The following IGBP1C variants were observed in gnomAD, a reference collection of about 807,000 sequenced individuals.
IGBP1C encodes the protein immunoglobulin-binding protein 1 family member C.
the IGBP1C span, among the ~76,000 whole-genome samples, chr17:58,678,165 G>A: frequency 6.6e-6 from 1 of 152,062 alleles, no homozygotes; most frequent in Non-Finnish European, 1.5e-5. Context: ...GGAAAAAAAA[G>A]GGAAGTTTTT....
the IGBP1C span, chr17:58,666,636 T>G: frequency 6.6e-6 from 1 of 152,136 alleles, no homozygotes; most frequent in African/African-American, 2.4e-5. Flanking sequence ...GTGCAACGAA[T>G]AAGCCACACA....
At chr17:58,689,090 C>T in the IGBP1C span, among the ~76,000 whole-genome samples, 6 of 151,778 alleles carry the variant, frequency 4.0e-5, no homozygotes, top group African/African-American at 1.5e-4. Context: ...GCCACCACAC[C>T]CGGCTAATTT....
the IGBP1C span, among the ~76,000 whole-genome samples, chr17:58,672,483 C>T: frequency 6.6e-6 from 1 of 152,154 alleles, no homozygotes; most frequent in African/African-American, 2.4e-5. Flanking sequence ...ACCCAGGCTG[C>T]AGTGCAGAGG....
At chr17:58,667,891 T>TAA in the IGBP1C span, among the ~76,000 whole-genome samples, 12 of 102,794 alleles carry the variant, frequency 1.2e-4, no homozygotes, top group Admixed American at 2.1e-4. Flanking sequence ...AGACTCTGGC[T>TAA]AAAAAAAAAA....
the IGBP1C span, among the ~76,000 whole-genome samples, chr17:58,687,907 A>C: frequency 6.6e-6 from 1 of 152,142 alleles, no homozygotes; most frequent in Non-Finnish European, 1.5e-5. Flanking sequence ...ATAGATTATA[A>C]GCTCCATGAG....
At chr17:58,683,761 T>C in the IGBP1C span, among the ~76,000 whole-genome samples, 1 of 104,292 alleles carries the variant, frequency 9.6e-6, no homozygotes, top group Non-Finnish European at 1.9e-5. Context: ...AGACTCCAGC[T>C]CAAAAAAAAA....
the IGBP1C span, chr17:58,677,672 A>G: frequency 6.6e-6 from 1 of 152,194 alleles, no homozygotes; most frequent in Admixed American, 6.5e-5. Flanking sequence ...ACAGAATGCA[A>G]TGAGTGAACC....
the IGBP1C span, among the ~76,000 whole-genome samples, chr17:58,688,377 C>A: frequency 1.2e-4 from 18 of 152,134 alleles, no homozygotes; most frequent in African/African-American, 4.3e-4. Flanking sequence ...GCCTCAGCCT[C>A]CTAAAGTGAT....
chr17:58,674,695 G>C, the IGBP1C span, among the ~76,000 whole-genome samples: 1 of 151,182 alleles, frequency 6.6e-6, no homozygotes, highest in East Asian at 1.9e-4. Context: ...ACACTAAGAA[G>C]AAAACATAGA....
chr17:58,682,553 C>T, the IGBP1C span, among the ~76,000 whole-genome samples: 6 of 152,104 alleles, frequency 3.9e-5, no homozygotes, highest in Non-Finnish European at 7.4e-5. Context: ...CCACCACGAC[C>T]ACTCCTCCAA....
the IGBP1C span, among the ~76,000 whole-genome samples, chr17:58,669,932 C>T: frequency 6.6e-6 from 1 of 152,162 alleles, no homozygotes; most frequent in Non-Finnish European, 1.5e-5. Flanking sequence ...CTCCATCCCA[C>T]GCTCCTTGAG....
chr17:58,666,406 G>A, the IGBP1C span: 6 of 136,122 alleles, frequency 4.4e-5, no homozygotes, highest in Admixed American at 2.4e-4. Flanking sequence ...CATGAATTCG[G>A]ATGCCACTGC....
At chr17:58,684,416 C>G in the IGBP1C span, among the ~76,000 whole-genome samples, 7 of 150,616 alleles carry the variant, frequency 4.6e-5, no homozygotes, top group African/African-American at 1.7e-4. Context: ...GAGCTGAGAT[C>G]ACACCATTGC....
At chr17:58,666,707 G>A in the IGBP1C span, 1 of 152,162 alleles carries the variant, frequency 6.6e-6, no homozygotes, top group Non-Finnish European at 1.5e-5. Context: ...TGAGGTACTT[G>A]CGTGACCCCA....
At chr17:58,686,861 CTTTTTTTTTTTTTTT>C in the IGBP1C span, among the ~76,000 whole-genome samples, 11 of 71,480 alleles carry the variant, frequency 1.5e-4, no homozygotes, top group African/African-American at 4.8e-4. Context: ...GAAAGGTCAC[CTTTTTTTTTTTTTTT>C]TTTTTTTTTT....
chr17:58,675,610 A>G, the IGBP1C span: 2 of 152,206 alleles, frequency 1.3e-5, no homozygotes, highest in Admixed American at 6.6e-5. Context: ...TATAATATTA[A>G]CAGATGGTTT....
the IGBP1C span, among the ~76,000 whole-genome samples, chr17:58,687,922 G>C: frequency 6.6e-6 from 1 of 152,140 alleles, no homozygotes; most frequent in African/African-American, 2.4e-5. Flanking sequence ...CATGAGGGCA[G>C]AGAATCTATC....
the IGBP1C span, among the ~76,000 whole-genome samples, chr17:58,683,548 AG>A: frequency 7.2e-6 from 1 of 139,216 alleles, no homozygotes. Flanking sequence ...GGATAACCTG[AG>A]GTCAGGAGTT....
the IGBP1C span, among the ~76,000 whole-genome samples, chr17:58,678,278 G>T: frequency 1.2e-4 from 19 of 152,294 alleles, no homozygotes; most frequent in South Asian, 3.3e-3. Flanking sequence ...GATTCCTCAA[G>T]GATCTAGAAC....
Sources: gnomAD v4.1 joint callset for allele counts (sites outside exome capture counted in the v4.1 genomes callset) on GRCh38, gnomAD v4.1.1 for gene constraint, MANE v1.5 for transcripts, NCBI Gene and HGNC (gene_info 2026-07-23, HGNC 2026-07-21) for gene names.